Variants in ADAMTS2 observed in about 807,000 individuals in gnomAD.
ADAMTS2 encodes the protein ADAM metallopeptidase with thrombospondin type 1 motif 2.
A neutral mutation model predicts 123.0 loss-of-function variants in ADAMTS2; 50 were observed. The ratio of observed to expected loss-of-function variants is 0.41; its 90% CI spans 0.32 to 0.51. The LOEUF is 0.51. Ranked by LOEUF, ADAMTS2 falls within the 20% of genes least tolerant of loss-of-function variation. The pLI, the probability that ADAMTS2 is intolerant of heterozygous loss-of-function variation, is 0.35. For missense variants in ADAMTS2, 1,494 were observed against 1,705.2 expected, an observed-to-expected ratio of 0.88 and a Z score of 2.18; for synonymous variants, 678 against 695.4, an observed-to-expected ratio of 0.98 and a Z score of 0.39.
rs1054900110 is a variant in ADAMTS2, at chr5:179,307,902, C to T, written c.535-34838G>A. Among the ~76,000 whole-genome samples, 6 of 152,170 alleles carry T rather than the reference C, an allele frequency of 3.9e-5. No homozygotes were observed. Among genetic ancestry groups the T allele is most frequent in the Admixed American group, 1.3e-4 (2 of 15,282 alleles). On this transcript the variant is annotated intron_variant, in intron 2 of 21. Transcript: ENST00000251582. This position sits in a 1 kb window ranked among gnomAD's most constrained non-coding sequence, Gnocchi z 5.6. ...TAACACCATTTCCCAATCATCGACA[C>T]GTGGGTTCTTTATTGGGTCACTCTC...
intron 21 of ADAMTS2, among the ~76,000 whole-genome samples, chr5:179,119,700 G>A (rs1444419795): frequency 1.3e-5 from 2 of 152,258 alleles, no homozygotes; most frequent in Middle Eastern, 3.4e-3. Flanking sequence ...CTTCCTGGAC[G>A]AGTAGCCCAA....
At chr5:179,176,624 T>C (rs1341052550) in intron 5 of ADAMTS2, among the ~76,000 whole-genome samples, 1 of 152,184 alleles carries the variant, frequency 6.6e-6, no homozygotes, top group Non-Finnish European at 1.5e-5. Context: ...CCAGTCCAGC[T>C]GCCAGCATCC....
chr5:179,148,323 G>A (rs1488889365), intron 10 of ADAMTS2, among the ~76,000 whole-genome samples: 1 of 152,188 alleles, frequency 6.6e-6, no homozygotes, highest in Non-Finnish European at 1.5e-5. Context: ...AAGCTGTGGA[G>A]CATGTGGGCT....
At chr5:179,340,597 G>A (rs1026947844) in intron 2 of ADAMTS2, among the ~76,000 whole-genome samples, 1 of 152,210 alleles carries the variant, frequency 6.6e-6, no homozygotes, top group Admixed American at 6.5e-5. Flanking sequence ...TCAGATTTGT[G>A]TTCAAATACT....
At chr5:179,326,932 A>C (rs765266182) in intron 2 of ADAMTS2, among the ~76,000 whole-genome samples, 15 of 152,146 alleles carry the variant, frequency 9.9e-5, no homozygotes, top group Non-Finnish European at 2.2e-4. Flanking sequence ...TGCAGCACTC[A>C]TCTCAAAATA....
chr5:179,299,294 C>CCAAGG (rs370298220), intron 2 of ADAMTS2, among the ~76,000 whole-genome samples: 10 of 136,884 alleles, frequency 7.3e-5, no homozygotes, highest in Non-Finnish European at 1.4e-4. Context: ...CTTTGGGAGG[C>CCAAGG]TGAGGCGGGC....
chr5:179,152,594 C>T (rs994852289), intron 9 of ADAMTS2, among the ~76,000 whole-genome samples: 4 of 152,140 alleles, frequency 2.6e-5, no homozygotes, highest in Admixed American at 6.5e-5. Context: ...TAAACCCTGG[C>T]GAAGCCCTAC....
At chr5:179,257,786 T>A (rs893959509) in intron 3 of ADAMTS2, among the ~76,000 whole-genome samples, 4 of 152,112 alleles carry the variant, frequency 2.6e-5, no homozygotes, top group Admixed American at 2.6e-4. Context: ...CCAGTGAAGG[T>A]CCCCAGCACT....
At chr5:179,226,764 T>C (rs928524467) in intron 3 of ADAMTS2, among the ~76,000 whole-genome samples, 1 of 152,196 alleles carries the variant, frequency 6.6e-6, no homozygotes, top group Non-Finnish European at 1.5e-5. Flanking sequence ...CAATTCTAGT[T>C]ATCAAATTTA....
chr5:179,334,213 C>T (rs964482360), intron 2 of ADAMTS2, among the ~76,000 whole-genome samples: 8 of 152,152 alleles, frequency 5.3e-5, no homozygotes, highest in African/African-American at 1.7e-4. Context: ...CCCGCGTGGC[C>T]GGGAGGTGCT....
At chr5:179,196,117 A>G (rs1764425999) in intron 4 of ADAMTS2, among the ~76,000 whole-genome samples, 1 of 152,184 alleles carries the variant, frequency 6.6e-6, no homozygotes, top group Non-Finnish European at 1.5e-5. Flanking sequence ...GTTGGTGAGA[A>G]ATTGAGCCCA....
rs531252131 is a variant in ADAMTS2, at chr5:179,272,023, G to A, written c.688+888C>T. 6.6e-6 allele frequency among the ~76,000 whole-genome samples: 1 copy of A among 152,184 alleles called. No individual in the cohort carries two copies. The highest frequency in any genetic ancestry group is 2.4e-5 in the African/African-American group (1 of 41,450). ...CAGGGGTCCTGACCAGAGGCTGAGG[G>A]CTGAGCTCGCAGCTTCCCACTCTCC... On this transcript the variant is annotated intron_variant, in intron 3 of 21. Transcript: ENST00000251582. This position sits in a 1 kb window ranked among gnomAD's most constrained non-coding sequence, Gnocchi z 5.8.
intron 2 of ADAMTS2, among the ~76,000 whole-genome samples, chr5:179,295,609 C>G (rs557919444): frequency 5.9e-5 from 9 of 152,332 alleles, no homozygotes; most frequent in African/African-American, 2.2e-4. Context: ...CTTCCACACT[C>G]CAGCCCAATT....
chr5:179,291,278 G>A (rs1756180627), intron 2 of ADAMTS2, among the ~76,000 whole-genome samples: 1 of 152,236 alleles, frequency 6.6e-6, no homozygotes, highest in Non-Finnish European at 1.5e-5. Context: ...TCCGGGCTCT[G>A]GTGTTCAGGG....
intron 5 of ADAMTS2, among the ~76,000 whole-genome samples, chr5:179,174,440 T>C (rs958156640): frequency 2.6e-5 from 4 of 152,226 alleles, no homozygotes; most frequent in Non-Finnish European, 4.4e-5. Context: ...ATTCCTTCAA[T>C]TGGATTTATG....
chr5:179,243,501 G>A (rs1561625159), intron 3 of ADAMTS2, among the ~76,000 whole-genome samples: 1 of 152,166 alleles, frequency 6.6e-6, no homozygotes, highest in East Asian at 1.9e-4. Flanking sequence ...GAAGAATACA[G>A]ACTTTGTGAA....
chr5:179,148,487 G>A (rs937010942), intron 10 of ADAMTS2, among the ~76,000 whole-genome samples: 5 of 152,288 alleles, frequency 3.3e-5, no homozygotes, highest in East Asian at 3.9e-4. Flanking sequence ...TGCACGTGGC[G>A]CTGGCCGAGC....
chr5:179,124,292 GCT>G (rs1455563420), intron 19 of ADAMTS2, among the ~76,000 whole-genome samples: 1 of 152,118 alleles, frequency 6.6e-6, no homozygotes, highest in Non-Finnish European at 1.5e-5. Context: ...GCTCACGTCA[GCT>G]CTGTCCTGGC....
At chr5:179,244,085 T>C (rs916928470) in intron 3 of ADAMTS2, among the ~76,000 whole-genome samples, 6 of 151,744 alleles carry the variant, frequency 4.0e-5, no homozygotes, top group African/African-American at 1.5e-4. Context: ...GGCAAGTGAG[T>C]ATAAAGGAGC....
Sources: gnomAD v4.1 joint callset for allele counts (sites outside exome capture counted in the v4.1 genomes callset) on GRCh38, gnomAD v4.1.1 for gene constraint, Gnocchi (gnomAD v3.1) non-coding constraint, MANE v1.5 for transcripts, NCBI Gene and HGNC (gene_info 2026-07-23, HGNC 2026-07-21) for gene names.